DNM3: variants seen among roughly 807,000 people sequenced by gnomAD.
DNM3 encodes dynamin-3.
DNM3 carries 47 observed loss-of-function variants against 101.6 expected under a neutral mutation model. That is an observed-to-expected ratio of 0.46 (90% CI 0.37 to 0.59). The LOEUF (loss-of-function observed/expected upper bound fraction) is 0.59, where lower values mean the gene tolerates loss of function less well. Ranked by LOEUF, DNM3 falls within the 20% of genes least tolerant of loss-of-function variation. DNM3 has a pLI of 0.00. For missense variants in DNM3, 849 were observed against 1,085.7 expected, an observed-to-expected ratio of 0.78 and a Z score of 3.06; for synonymous variants, 385 against 387.9, an observed-to-expected ratio of 0.99 and a Z score of 0.09.
At chr1:172,062,865 G>A (rs1000927641) in intron 10 of DNM3, among the ~76,000 whole-genome samples, 1 of 151,998 alleles carries the variant, frequency 6.6e-6, no homozygotes, top group Non-Finnish European at 1.5e-5. Flanking sequence ...TTTTTTCATA[G>A]CAAATGTGTT....
At chr1:172,362,987 T>C (rs2067825465) in intron 17 of DNM3, among the ~76,000 whole-genome samples, 1 of 151,822 alleles carries the variant, frequency 6.6e-6, no homozygotes, top group African/African-American at 2.4e-5. Flanking sequence ...TTTAACTCCT[T>C]ATGGTCTCCT....
At chr1:172,245,343 T>C (rs902570484) in intron 14 of DNM3, among the ~76,000 whole-genome samples, 1 of 152,136 alleles carries the variant, frequency 6.6e-6, no homozygotes, top group East Asian at 1.9e-4. Context: ...GTGAAACATA[T>C]AGACTCTTAG....
chr1:172,232,942 A>T (rs570281812), intron 14 of DNM3, among the ~76,000 whole-genome samples: 2 of 152,188 alleles, frequency 1.3e-5, no homozygotes, highest in Non-Finnish European at 2.9e-5. Context: ...AGCAGGAAAG[A>T]TCTAAAATTG....
At position 171,921,745 on chromosome 1, in the gene DNM3, T is replaced by TA. The variant is rs745841141; in HGVS notation, c.162-2dup. 6 of 1,580,818 alleles carry TA rather than the reference T, an allele frequency of 3.8e-6. No homozygotes were observed. The East Asian group carries it at 1.1e-4, about 30-fold the overall frequency. The stretch of plus-strand genomic sequence containing the variant: ...CTTAATCTGTATTTCTTACTTTTTT[T>TA]AGGGACTTTCTCCCTCGAGGGTCGG... On this transcript the variant is annotated splice_region_variant and splice_polypyrimidine_tract_variant and intron_variant, in intron 1 of 20. Coordinates refer to ENST00000627582, the MANE Select transcript of DNM3 (RefSeq NM_015569.5).
intron 14 of DNM3, among the ~76,000 whole-genome samples, chr1:172,175,099 A>T (rs2059108904): frequency 6.6e-6 from 1 of 151,740 alleles, no homozygotes; most frequent in African/African-American, 2.4e-5. Flanking sequence ...TCTAATGGCC[A>T]TATACCCTCT....
At chr1:172,053,332 T>A (rs920701823) in intron 10 of DNM3, among the ~76,000 whole-genome samples, 5 of 152,106 alleles carry the variant, frequency 3.3e-5, no homozygotes, top group African/African-American at 1.2e-4. Context: ...TCCCCTCTCA[T>A]TTTTAGGGAG....
intron 17 of DNM3, among the ~76,000 whole-genome samples, chr1:172,328,956 A>C (rs1327986823): frequency 6.6e-6 from 1 of 152,140 alleles, no homozygotes; most frequent in African/African-American, 2.4e-5. Flanking sequence ...CTGGGATTAC[A>C]GGTGTGACCC....
intron 15 of DNM3, among the ~76,000 whole-genome samples, chr1:172,298,846 G>GAAGA: frequency 7.0e-6 from 1 of 142,138 alleles, no homozygotes; most frequent in Admixed American, 7.0e-5. Flanking sequence ...AGGACAGAAA[G>GAAGA]AAGAAAGAAA....
At chr1:172,246,239 C>T (rs576920902) in intron 14 of DNM3, among the ~76,000 whole-genome samples, 14 of 152,206 alleles carry the variant, frequency 9.2e-5, no homozygotes, top group Middle Eastern at 3.4e-3. Flanking sequence ...ACCCTATCAA[C>T]GGGCATTCCA....
chr1:172,369,771 A>G (rs2068225992), intron 17 of DNM3, among the ~76,000 whole-genome samples: 1 of 151,938 alleles, frequency 6.6e-6, no homozygotes, highest in Non-Finnish European at 1.5e-5. Flanking sequence ...TACATATTGT[A>G]TTAGTTTGCT....
At chr1:172,387,018 G>C in intron 18 of DNM3, 115 bp from the exon 19 acceptor site, 1 of 802,846 alleles carries the variant, frequency 1.2e-6, no homozygotes, top group South Asian at 1.7e-5. Context: ...TCCCAGGGTG[G>C]ACTTTGGTGG....
intron 19 of DNM3, among the ~76,000 whole-genome samples, chr1:172,387,630 C>T (rs1340449549): frequency 1.3e-5 from 2 of 151,510 alleles, no homozygotes; most frequent in East Asian, 3.9e-4. Flanking sequence ...TGCACTCCAG[C>T]CTGGGTGACA....
intron 17 of DNM3, among the ~76,000 whole-genome samples, chr1:172,328,905 C>T (rs1029383271): frequency 6.6e-6 from 1 of 152,072 alleles, no homozygotes; most frequent in South Asian, 2.1e-4. Flanking sequence ...GTCTTGGACT[C>T]CTGGGCTCAA....
intron 4 of DNM3, among the ~76,000 whole-genome samples, chr1:172,010,459 T>C (rs1378031954): frequency 6.6e-6 from 1 of 151,564 alleles, no homozygotes; most frequent in Non-Finnish European, 1.5e-5. Context: ...TTTCACTGGA[T>C]ATTGAATTTT....
At chr1:172,246,395 A>T (rs1422215547) in intron 14 of DNM3, among the ~76,000 whole-genome samples, 1 of 152,032 alleles carries the variant, frequency 6.6e-6, no homozygotes, top group Non-Finnish European at 1.5e-5. Flanking sequence ...TAATCAACGG[A>T]TTCTACTGAT....
chr1:171,930,503 G>A (rs894094406), intron 2 of DNM3, among the ~76,000 whole-genome samples: 2 of 152,178 alleles, frequency 1.3e-5, no homozygotes, highest in Non-Finnish European at 2.9e-5. Flanking sequence ...CTGCTCTGCT[G>A]AGATTCCACA....
chr1:172,239,692 G>A (rs1383476842), intron 14 of DNM3, among the ~76,000 whole-genome samples: 3 of 151,870 alleles, frequency 2.0e-5, no homozygotes, highest in Non-Finnish European at 4.4e-5. Flanking sequence ...TCTGGGTTGG[G>A]CAGCTTTAAT....
chr1:172,270,563 C>G (rs910595951), intron 15 of DNM3, among the ~76,000 whole-genome samples: 3 of 152,002 alleles, frequency 2.0e-5, no homozygotes, highest in African/African-American at 7.2e-5. Context: ...TTATATTATT[C>G]TGCTTCAACT....
chr1:172,071,113 A>ATATATATATATATATATATC (rs2052148646), intron 11 of DNM3, among the ~76,000 whole-genome samples: 2 of 136,052 alleles, frequency 1.5e-5, no homozygotes, highest in Admixed American at 1.5e-4. Context: ...ATATATATAT[A>ATATATATATATATATATATC]TATATATCTT....
Sources: allele counts gnomAD v4.1 joint callset (sites outside exome capture counted in the v4.1 genomes callset), GRCh38; gene constraint gnomAD v4.1.1; transcripts MANE v1.5; gene names NCBI Gene and HGNC (gene_info 2026-07-23, HGNC 2026-07-21).